Variants in BLTP3A observed in about 807,000 individuals in gnomAD.
BLTP3A encodes ICBP90 binding protein 1.
At chr6:34,867,574 G>A in the BLTP3A span, 25 of 1,613,612 alleles carry the variant, frequency 1.5e-5, no homozygotes, top group Non-Finnish European at 2.1e-5. Context: ...CCAGCAGCTG[G>A]GCACCGTGGG....
At chr6:34,875,495 C>G in the BLTP3A span, 4 of 152,118 alleles carry the variant, frequency 2.6e-5, no homozygotes, top group Non-Finnish European at 5.9e-5. Flanking sequence ...GTCGAATAGG[C>G]ATTTCTTGGT....
At chr6:34,870,915 T>G in the BLTP3A span, 1 of 1,614,244 alleles carries the variant, frequency 6.2e-7, no homozygotes, top group Non-Finnish European at 8.5e-7. Context: ...CTGTGGGCCT[T>G]CGCTTTGAGG....
At chr6:34,857,987 A>G in the BLTP3A span, 2 of 1,579,688 alleles carry the variant, frequency 1.3e-6, no homozygotes, top group East Asian at 2.2e-5. Context: ...GATATAATCC[A>G]TGGTTTTGCT....
At chr6:34,798,594 C>CTTTCTTTTTTTTTT in the BLTP3A span, among the ~76,000 whole-genome samples, 325 of 94,366 alleles carry the variant, frequency 3.4e-3, no homozygotes, top group Non-Finnish European at 5.0e-3. Context: ...TTCTTTCTTT[C>CTTTCTTTTTTTTTT]TTTTTTTTTT....
At chr6:34,877,350 GTCACT>G in the BLTP3A span, 1 of 152,594 alleles carries the variant, frequency 6.6e-6, no homozygotes, top group Non-Finnish European at 1.5e-5. Flanking sequence ...TCAATAAAAG[GTCACT>G]TCATTCACCT....
At chr6:34,800,416 G>GGAGAAGATATATGTAGT in the BLTP3A span, among the ~76,000 whole-genome samples, 2 of 152,236 alleles carry the variant, frequency 1.3e-5, no homozygotes, top group Admixed American at 6.5e-5. Context: ...GGGTAAATTG[G>GGAGAAGATATATGTAGT]GAGAAGATAT....
chr6:34,821,077 C>T, the BLTP3A span, among the ~76,000 whole-genome samples: 4 of 152,172 alleles, frequency 2.6e-5, no homozygotes, highest in East Asian at 7.7e-4. Flanking sequence ...CTGCCTCAGC[C>T]TCTGGAGGAG....
the BLTP3A span, chr6:34,855,752 G>T: frequency 3.7e-6 from 6 of 1,610,534 alleles, no homozygotes; most frequent in East Asian, 4.5e-5. Context: ...CCAAAATATT[G>T]AGGGCAGATT....
At chr6:34,831,375 G>A in the BLTP3A span, among the ~76,000 whole-genome samples, 84 of 152,186 alleles carry the variant, frequency 5.5e-4, no homozygotes, top group African/African-American at 2.0e-3. Context: ...TGATCCACCC[G>A]CCTCGGCCTC....
At chr6:34,832,436 T>C in the BLTP3A span, among the ~76,000 whole-genome samples, 3 of 151,692 alleles carry the variant, frequency 2.0e-5, no homozygotes, top group Admixed American at 2.0e-4. Context: ...TCTTTTCTTC[T>C]TTTTCTTTTT....
At chr6:34,834,522 A>G in the BLTP3A span, 4 of 1,450,942 alleles carry the variant, frequency 2.8e-6, no homozygotes, top group Non-Finnish European at 3.7e-6. Context: ...CATTCCTGGG[A>G]ACCCAGAGGC....
chr6:34,810,108 C>T, the BLTP3A span, among the ~76,000 whole-genome samples: 4 of 152,214 alleles, frequency 2.6e-5, no homozygotes, highest in South Asian at 2.1e-4. Context: ...TGGCGGATAC[C>T]GGGAGCTGCA....
the BLTP3A span, among the ~76,000 whole-genome samples, chr6:34,808,532 A>T: frequency 6.6e-6 from 1 of 152,096 alleles, no homozygotes; most frequent in African/African-American, 2.4e-5. Context: ...AAGAGGGGTT[A>T]TCATTATAGA....
At chr6:34,823,539 GTTT>G in the BLTP3A span, among the ~76,000 whole-genome samples, 1 of 134,116 alleles carries the variant, frequency 7.5e-6, no homozygotes. Flanking sequence ...TTCTTCTTCT[GTTT>G]TTTTTTTTTT....
chr6:34,829,739 A>G, the BLTP3A span, among the ~76,000 whole-genome samples: 1 of 151,860 alleles, frequency 6.6e-6, no homozygotes, highest in African/African-American at 2.4e-5. Flanking sequence ...GGTTCAAGCG[A>G]TTCTCACACC....
chr6:34,841,161 ATTT>A, the BLTP3A span, among the ~76,000 whole-genome samples: 1 of 150,878 alleles, frequency 6.6e-6, no homozygotes, highest in Non-Finnish European at 1.5e-5. Flanking sequence ...TAATTTTATT[ATTT>A]TTTTTGATTC....
chr6:34,871,479 A>G, the BLTP3A span: 1 of 1,120,878 alleles, frequency 8.9e-7, no homozygotes, highest in South Asian at 1.4e-5. Context: ...GAATGTATGG[A>G]CAAACTGGCA....
chr6:34,851,378 G>A, the BLTP3A span, among the ~76,000 whole-genome samples: 1 of 152,204 alleles, frequency 6.6e-6, no homozygotes, highest in Admixed American at 6.5e-5. Flanking sequence ...CCCAAGCCCA[G>A]TAATGCTGTG....
the BLTP3A span, chr6:34,834,138 A>G: frequency 2.1e-6 from 3 of 1,412,494 alleles, no homozygotes; most frequent in Non-Finnish European, 2.9e-6. Flanking sequence ...TCATTATAAA[A>G]TAATTTAAAC....
Sources: allele counts gnomAD v4.1 joint callset (sites outside exome capture counted in the v4.1 genomes callset), GRCh38; gene constraint gnomAD v4.1.1; transcripts MANE v1.5; gene names NCBI Gene and HGNC (gene_info 2026-07-23, HGNC 2026-07-21).